GFI1: variants seen among roughly 807,000 people sequenced by gnomAD.
The protein encoded by GFI1 is zinc finger protein Gfi-1.
In GFI1, 15 loss-of-function variants were observed where a neutral mutation model predicts 39.2. That is an observed-to-expected ratio of 0.38 (90% CI 0.26 to 0.59). The LOEUF (loss-of-function observed/expected upper bound fraction) is 0.59, where lower values mean the gene tolerates loss of function less well. GFI1 is among the 20% of genes least tolerant of loss of function. The pLI is 0.62. For missense variants in GFI1, 475 were observed against 574.0 expected, an observed-to-expected ratio of 0.83 and a Z score of 1.76; for synonymous variants, 239 against 254.3, an observed-to-expected ratio of 0.94 and a Z score of 0.57.
chr1:92,480,504 G>A lies in GFI1; in HGVS notation c.787-19C>T, dbSNP rs766149113. On this transcript the variant is annotated intron_variant, in intron 4 of 6. Coordinates refer to ENST00000294702, the MANE Select transcript of GFI1 (RefSeq NM_005263.5). This position sits in a 1 kb window ranked among gnomAD's most constrained non-coding sequence, Gnocchi z 5.6. ...AGAACACCTAAGGCGGGTGGGGCCA[G>A]AGAGAAGGCCGCTGAGAGGGGCCGC... 3 of 1,549,096 alleles carry A rather than the reference G, an allele frequency of 1.9e-6. No homozygotes were observed. The South Asian group carries it at 3.6e-5, about 18-fold the overall frequency.
Position 92,482,758 on chromosome 1 carries a change from C to G in GFI1, c.298+106G>C, listed in dbSNP as rs1383247847. 7.9e-6 allele frequency: 7 copies of G among 886,094 alleles called. No homozygotes were observed. Among genetic ancestry groups the G allele is most frequent in the Non-Finnish European group, 1.1e-5 (6 of 537,834 alleles). The allele number at this position is 886,094 out of a possible 1,614,324, so 54.9% of individuals were successfully genotyped here. A position where few individuals can be genotyped will look rare whatever the true frequency, so the allele number is the denominator to read the frequency against. ...TCAGCTCCCTTCTCCCGGAAAGACT[C>G]TCCAACTCCCCGTTAGCATTTCTAC... On this transcript the variant is annotated intron_variant, in intron 3 of 6. Coordinates refer to ENST00000294702, the MANE Select transcript of GFI1 (RefSeq NM_005263.5). This position sits in a 1 kb window ranked among gnomAD's most constrained non-coding sequence, Gnocchi z 4.4.
At position 92,482,921 on chromosome 1, in the gene GFI1, C is replaced by T; in HGVS notation, c.241G>A (p.Glu81Lys). Residue 81 changes from glutamate to lysine, a missense_variant, in exon 3 of 7, where the codon GAA becomes AAA. Around this residue, in one of 4 missense-constraint regions of GFI1, gnomAD observed 275 missense variants for 275.8 expected, o/e 1.00. Transcript: ENST00000294702. The surrounding 1 kb of genome is among the most constrained non-coding windows in gnomAD (Gnocchi z 4.4). ...AAGTCCTCAAACTCCGAGCTCCGTT[C>T]GCAGACGCTGCCTTCGCAGCTGTCT... ...SPDSCEGSVC[E>K]RSSEFEDFWR... 6.2e-7 allele frequency: 1 copy of T among 1,614,120 alleles called. No homozygotes were observed. The highest frequency in any genetic ancestry group is 8.5e-7 in the Non-Finnish European group (1 of 1,180,016).
At position 92,482,583 on chromosome 1, in the gene GFI1, G is replaced by C. The variant is rs556057357; in HGVS notation, c.298+281C>G. Among the ~76,000 whole-genome samples, 1 of 152,280 alleles carries C rather than the reference G, an allele frequency of 6.6e-6. No homozygotes were observed. The highest frequency in any genetic ancestry group is 6.5e-5 in the Admixed American group (1 of 15,304). ...GGTCAGCGTTGCCGCCAGTCGAAAC[G>C]ACTGGTTTGTTTTCCGTCACTGGCC... is the stretch of plus-strand genomic sequence containing the variant. On this transcript the variant is annotated intron_variant, in intron 3 of 6. Coordinates refer to ENST00000294702, the MANE Select transcript of GFI1 (RefSeq NM_005263.5). This position sits in a 1 kb window ranked among gnomAD's most constrained non-coding sequence, Gnocchi z 4.4.
In GFI1 at chr1:92,480,258, A is replaced by G. The variant is rs1200198682; in HGVS notation, c.924+90T>C. On this transcript the variant is annotated intron_variant, in intron 5 of 6. Coordinates refer to ENST00000294702, the MANE Select transcript of GFI1 (RefSeq NM_005263.5). The surrounding 1 kb of genome is among the most constrained non-coding windows in gnomAD (Gnocchi z 5.6). ...GAAACTGGGGGAAGTCGAGGAGAAA[A>G]CTTCCAGGCAGAGAGTGGCTGGTGC... 1.4e-6 allele frequency: 2 copies of G among 1,410,658 alleles called. No homozygotes were observed. Among genetic ancestry groups the G allele is most frequent in the Non-Finnish European group, 1.9e-6 (2 of 1,034,164 alleles). The allele number at this position is 1,410,658 out of a possible 1,614,324, so 87.4% of individuals were successfully genotyped here. A position where few individuals can be genotyped will look rare whatever the true frequency, so the allele number is the denominator to read the frequency against.
In GFI1 at chr1:92,480,564, C is replaced by A. The variant is rs557172855; in HGVS notation, c.786+37G>T. ...GCGAGGCGCGGGTAGGGGAAGCGGG[C>A]GCACGGCAGGCGAGGTGGTGAGCTC... is the stretch of plus-strand genomic sequence containing the variant. On this transcript the variant is annotated intron_variant, in intron 4 of 6. Coordinates refer to ENST00000294702, the MANE Select transcript of GFI1 (RefSeq NM_005263.5). This position sits in a 1 kb window ranked among gnomAD's most constrained non-coding sequence, Gnocchi z 5.6. 1 of 1,541,348 alleles carries A rather than the reference C, an allele frequency of 6.5e-7. No homozygotes were observed. The highest frequency in any genetic ancestry group is 8.7e-7 in the Non-Finnish European group (1 of 1,145,192).
chr1:92,481,959 A>ACACACAC lies in GFI1; in HGVS notation c.299-872_299-871insGTGTGTG, dbSNP rs142757010. On this transcript the variant is annotated intron_variant, in intron 3 of 6. Transcript: ENST00000294702. The surrounding 1 kb of genome is among the most constrained non-coding windows in gnomAD (Gnocchi z 4.3). ...AATGTGTGTGTGTGTGTGTGCGCAC[A>ACACACAC]ACACTCCAGTTCAGGCTGGCCACTT... 0.95 allele frequency among the ~76,000 whole-genome samples: 143,735 copies of ACACACAC among 150,748 alleles called. 68,847 individuals carry two copies. Among genetic ancestry groups the ACACACAC allele is most frequent in the Non-Finnish European group, 0.99 (67,486 of 67,838 alleles).
chr1:92,485,159 T>A (rs1351508884), intron 1 of GFI1, among the ~76,000 whole-genome samples: 1 of 152,104 alleles, frequency 6.6e-6, no homozygotes, highest in Non-Finnish European at 1.5e-5. Context: ...TCCCGCGAAG[T>A]TTCCCGCTAC....
rs6661028 is a variant in GFI1 at position 92,473,656 on chromosome 1, C to A, written c.*2373G>T. Among the ~76,000 whole-genome samples the A allele has an allele frequency of 1.3e-5, 2 of 152,128 alleles. No individual in the cohort carries two copies. The highest frequency in any genetic ancestry group is 2.9e-5 in the Non-Finnish European group (2 of 68,030). ...CAGAGAAAAGCAGCATTCAAGCCCC[C>A]CTTTCCTGCCAACCTGGAGAGAAAG... On this transcript the variant is annotated 3_prime_UTR_variant, in exon 7 of 7. Transcript: ENST00000294702.
chr1:92,480,233 G>A lies in GFI1; in HGVS notation c.924+115C>T, dbSNP rs1345433016. ...GGACGCAGCGGAGGGCTTGGGGGAG[G>A]AAACTGGGGGAAGTCGAGGAGAAAA... is the stretch of plus-strand genomic sequence containing the variant. On this transcript the variant is annotated intron_variant, in intron 5 of 6. Coordinates refer to ENST00000294702, the MANE Select transcript of GFI1 (RefSeq NM_005263.5). This position sits in a 1 kb window ranked among gnomAD's most constrained non-coding sequence, Gnocchi z 5.6. The A allele has an allele frequency of 8.4e-7, 1 of 1,193,766 alleles. No individual in the cohort carries two copies. The highest frequency in any genetic ancestry group is 2.6e-5 in the East Asian group (1 of 39,066). 73.9% of individuals were successfully genotyped at this position (1,193,766 alleles called of 1,614,324 possible). A position where few individuals can be genotyped will look rare whatever the true frequency, so the allele number is the denominator to read the frequency against.
Position 92,475,950 on chromosome 1 carries a change from C to T in GFI1, c.*79G>A, listed in dbSNP as rs1004928727. 5.2e-5 allele frequency: 70 copies of T among 1,346,886 alleles called. No homozygotes were observed. The Middle Eastern group carries it at 1.7e-3, about 32-fold the overall frequency. The allele number at this position is 1,346,886 out of a possible 1,614,324, so 83.4% of individuals were successfully genotyped here. Reference sequence around the variant, plus strand: ...AAAGTCAGAAGGGAGTGGAGGCAAGCAGGGAGCAGAGTGGTGGCAAGCAGG... The same window carrying T: ...AAAGTCAGAAGGGAGTGGAGGCAAGTAGGGAGCAGAGTGGTGGCAAGCAGG... On this transcript the variant is annotated 3_prime_UTR_variant, in exon 7 of 7. Transcript: ENST00000294702.
In GFI1 at chr1:92,473,588, G is replaced by C. The variant is rs1406598374; in HGVS notation, c.*2441C>G. Reference sequence around the variant, plus strand: ...AACTGACATGGAAAGACATGGTGCTGGAAATCAGGTGAGGACAGCCAAGGA... The same window carrying C: ...AACTGACATGGAAAGACATGGTGCTCGAAATCAGGTGAGGACAGCCAAGGA... On this transcript the variant is annotated 3_prime_UTR_variant, in exon 7 of 7. Coordinates refer to ENST00000294702, the MANE Select transcript of GFI1 (RefSeq NM_005263.5). Among the ~76,000 whole-genome samples, 1 of 152,202 alleles carries C rather than the reference G, an allele frequency of 6.6e-6. No individual in the cohort carries two copies. Among genetic ancestry groups the C allele is most frequent in the Non-Finnish European group, 1.5e-5 (1 of 68,036 alleles).
rs1658155194 is a variant in GFI1 at position 92,480,226 on chromosome 1, G to T, written c.924+122C>A. On this transcript the variant is annotated intron_variant, in intron 5 of 6. Transcript: ENST00000294702. This position sits in a 1 kb window ranked among gnomAD's most constrained non-coding sequence, Gnocchi z 5.6. ...GGCAAGGGGACGCAGCGGAGGGCTT[G>T]GGGGAGGAAACTGGGGGAAGTCGAG... 7.1e-6 allele frequency: 8 copies of T among 1,122,802 alleles called. No homozygotes were observed. Among genetic ancestry groups the T allele is most frequent in the Middle Eastern group, 2.8e-4 (1 of 3,612 alleles). The allele number at this position is 1,122,802 out of a possible 1,614,324, so 69.6% of individuals were successfully genotyped here. A position where few individuals can be genotyped will look rare whatever the true frequency, so the allele number is the denominator to read the frequency against.
At chr1:92,485,478 G>T (rs1410768395) in intron 1 of GFI1, among the ~76,000 whole-genome samples, 1 of 152,196 alleles carries the variant, frequency 6.6e-6, no homozygotes, top group African/African-American at 2.4e-5. Flanking sequence ...CGCGGAGGCC[G>T]CCTCCCCACC....
At position 92,479,145 on chromosome 1, in the gene GFI1, C is replaced by T. The variant is rs575279775; in HGVS notation, c.925-392G>A. Among the ~76,000 whole-genome samples, 13 of 152,344 alleles carry T rather than the reference C, an allele frequency of 8.5e-5. 1 individual carries two copies. Among genetic ancestry groups the T allele is most frequent in the African/African-American group, 2.9e-4 (12 of 41,574 alleles). Reference sequence around the variant, plus strand: ...CCTCTCAAAGTATTGGGATTACAGGCGTGAGCCACCGTGCCTGGCCCTTCA... The same window carrying T: ...CCTCTCAAAGTATTGGGATTACAGGTGTGAGCCACCGTGCCTGGCCCTTCA... On this transcript the variant is annotated intron_variant, in intron 5 of 6. Coordinates refer to ENST00000294702, the MANE Select transcript of GFI1 (RefSeq NM_005263.5).
Position 92,476,058 on chromosome 1 carries a change from G to A in GFI1, c.1240C>T (p.His414Tyr). ...TTGAGCCCATGCTGCGTCTCCCGGT[G>A]CCTTCGGAGGTCCACCTTCCTCTGG... is the stretch of plus-strand genomic sequence containing the variant. ...GFQRKVDLRR[H>Y]RETQHGLK The change falls in exon 7 of 7, where the codon CAC becomes TAC. Residue 414 changes from histidine (H) to tyrosine (Y), a missense_variant. Coordinates refer to ENST00000294702, the MANE Select transcript of GFI1 (RefSeq NM_005263.5). The A allele has an allele frequency of 6.2e-7, 1 of 1,614,130 alleles. No individual in the cohort carries two copies. Among genetic ancestry groups the A allele is most frequent in the Non-Finnish European group, 8.5e-7 (1 of 1,179,996 alleles).
intron 5 of GFI1, 28 bp from the exon 6 acceptor site, chr1:92,478,781 G>GAC (rs1658087776): frequency 6.2e-7 from 1 of 1,610,248 alleles, no homozygotes; most frequent in African/African-American, 1.3e-5. Context: ...GAGAGAGAGA[G>GAC]AGAGAGAGAG....
chr1:92,474,413 T>C lies in GFI1; in HGVS notation c.*1616A>G, dbSNP rs1220722674. 6.6e-6 allele frequency among the ~76,000 whole-genome samples: 1 copy of C among 152,218 alleles called. No individual in the cohort carries two copies. Among genetic ancestry groups the C allele is most frequent in the Non-Finnish European group, 1.5e-5 (1 of 68,036 alleles). ...CTAGACCTAAGACCTGTGATTTCTT[T>C]ATTCATCTGGGAGCCTTCAGGCCCC... On this transcript the variant is annotated 3_prime_UTR_variant, in exon 7 of 7. Transcript: ENST00000294702.
intron 5 of GFI1, 35 bp from the exon 6 acceptor site, chr1:92,478,788 AGAGAG>A (rs2101564541): frequency 6.3e-7 from 1 of 1,591,504 alleles, no homozygotes; most frequent in Non-Finnish European, 8.6e-7. Flanking sequence ...AGAGAGAGAG[AGAGAG>A]ATGCAGAACT....
rs150506480 is a variant in GFI1, at chr1:92,483,343, AGCCCCGCCTGGCCCGCGCGC to A, written c.115+10_115+29del. On this transcript the variant is annotated intron_variant, in intron 2 of 6. Coordinates refer to ENST00000294702, the MANE Select transcript of GFI1 (RefSeq NM_005263.5). ...AGGTGCAGTAGGCATCCGGGGGAGC[AGCCCCGCCTGGCCCGCGCGC>A]GCCTCGCACCTGCTCGGCTAGGCGC... is the stretch of plus-strand genomic sequence containing the variant. 15,383 of 1,285,568 alleles carry A rather than the reference AGCCCCGCCTGGCCCGCGCGC, an allele frequency of 0.012. 271 individuals are homozygous for A. The highest frequency in any genetic ancestry group is 0.079 in the African/African-American group (5,462 of 69,258). 79.6% of individuals were successfully genotyped at this position (1,285,568 alleles called of 1,614,324 possible).
Sources: allele counts gnomAD v4.1 joint callset (sites outside exome capture counted in the v4.1 genomes callset), GRCh38; gene constraint gnomAD v4.1.1; regional missense constraint gnomAD v4.1.1; non-coding constraint Gnocchi (gnomAD v3.1); transcripts MANE v1.5; gene names NCBI Gene and HGNC (gene_info 2026-07-23, HGNC 2026-07-21).